The following PDE10A variants were observed in gnomAD, a reference collection of about 807,000 sequenced individuals.
The protein encoded by PDE10A is phosphodiesterase 10A, also known as cAMP and cAMP-inhibited cGMP 3',5'-cyclic phosphodiesterase 10A.
Under a neutral mutation model 97.7 loss-of-function variants are expected in PDE10A, and 39 were observed. The ratio of observed to expected loss-of-function variants is 0.40; its 90% CI spans 0.31 to 0.52. PDE10A has a LOEUF of 0.52. PDE10A is among the 20% of genes least tolerant of loss of function. The pLI, the probability that PDE10A is intolerant of heterozygous loss-of-function variation, is 0.56. For synonymous variants in PDE10A, 371 were observed against 376.8 expected (o/e 0.98, Z 0.18); for missense variants, 731 against 1,047.8 (o/e 0.70, Z 4.17).
chr6:165,952,035 C>G (rs983440538), intron 1 of PDE10A, among the ~76,000 whole-genome samples: 1 of 152,242 alleles, frequency 6.6e-6, no homozygotes, highest in Non-Finnish European at 1.5e-5. Context: ...TCGCAATAGC[C>G]TCCTGAAATA....
intron 1 of PDE10A, among the ~76,000 whole-genome samples, chr6:165,552,340 G>A (rs1463800866): frequency 6.6e-6 from 1 of 152,206 alleles, no homozygotes; most frequent in African/African-American, 2.4e-5. Flanking sequence ...CTGCTTGCAA[G>A]GTCAGCCCTT....
Position 165,431,429 on chromosome 6 carries a change from TG to T in PDE10A, c.1534del (p.Gln512ArgfsTer14). ...NLAWASVAIH[Q>X]VQVCRGLAKQ... is the part of the protein sequence containing the mutation. ...AACACCCCAAAGACTCACCTGCACC[TG>T]ATGTATTGCTACTGAAGCCCAGGCA... On this transcript the variant is annotated frameshift_variant, in exon 8 of 22. Coordinates refer to ENST00000539869, the MANE Select transcript of PDE10A (RefSeq NM_001385079.1). LOFTEE classifies it high-confidence loss of function. The T allele has an allele frequency of 6.3e-7, 1 of 1,598,232 alleles. No homozygotes were observed. Among genetic ancestry groups the T allele is most frequent in the African/African-American group, 1.3e-5 (1 of 74,266 alleles).
intron 1 of PDE10A, among the ~76,000 whole-genome samples, chr6:165,720,384 C>T (rs938184653): frequency 6.6e-6 from 1 of 152,064 alleles, no homozygotes; most frequent in Non-Finnish European, 1.5e-5. Flanking sequence ...CAGAAGCAAC[C>T]CCAGGCCAGC....
At chr6:165,557,834 G>T (rs1397019995) in intron 1 of PDE10A, among the ~76,000 whole-genome samples, 1 of 152,122 alleles carries the variant, frequency 6.6e-6, no homozygotes, top group Non-Finnish European at 1.5e-5. Flanking sequence ...CTCAAAAAAC[G>T]AAGACAAACA....
At chr6:165,960,050 G>C (rs1254700877) in intron 1 of PDE10A, among the ~76,000 whole-genome samples, 2 of 151,986 alleles carry the variant, frequency 1.3e-5, no homozygotes, top group African/African-American at 2.4e-5. Context: ...ATAGAACCAA[G>C]GTACAGCCAT....
At chr6:165,437,207 T>C (rs1304318893) in intron 5 of PDE10A, among the ~76,000 whole-genome samples, 1 of 151,940 alleles carries the variant, frequency 6.6e-6, no homozygotes, top group Non-Finnish European at 1.5e-5. Flanking sequence ...TGGCTGCATT[T>C]GTTTGTTTGA....
intron 1 of PDE10A, among the ~76,000 whole-genome samples, chr6:165,973,402 A>G (rs1784751897): frequency 6.7e-6 from 1 of 148,804 alleles, no homozygotes; most frequent in Admixed American, 6.7e-5. Flanking sequence ...GAAAAGAGTG[A>G]AATTCCGCCT....
chr6:165,715,081 C>T (rs1478905173), intron 1 of PDE10A, among the ~76,000 whole-genome samples: 1 of 152,364 alleles, frequency 6.6e-6, no homozygotes, highest in East Asian at 1.9e-4. Context: ...GCTCAGCCTG[C>T]AGGGACGGCC....
At chr6:165,750,892 G>A (rs1349127229) in intron 1 of PDE10A, among the ~76,000 whole-genome samples, 15 of 152,216 alleles carry the variant, frequency 9.9e-5, no homozygotes, top group Non-Finnish European at 1.8e-4. Flanking sequence ...AGGACACACA[G>A]CATGTCTGTT....
chr6:165,691,559 A>G (rs1791297180), intron 1 of PDE10A, among the ~76,000 whole-genome samples: 1 of 148,986 alleles, frequency 6.7e-6, no homozygotes, highest in African/African-American at 2.5e-5. Flanking sequence ...GTGTGACTGT[A>G]CACGTGCCCA....
In PDE10A at chr6:165,728,346, T is replaced by C. The variant is rs149366205; in HGVS notation, c.-614-184778A>G. On this transcript the variant is annotated intron_variant, in intron 1 of 19. Transcript: ENST00000366882. The stretch of plus-strand genomic sequence containing the variant: ...GCTGGAGTGAGGGCACACATTTCAA[T>C]GGATTCATAACACTCAATTCTCCTC... 2.0e-4 allele frequency among the ~76,000 whole-genome samples: 30 copies of C among 152,332 alleles called. No individual in the cohort carries two copies. The East Asian group carries it at 4.8e-3, about 24-fold the overall frequency.
At chr6:165,564,153 T>C (rs929056675) in intron 1 of PDE10A, among the ~76,000 whole-genome samples, 9 of 152,208 alleles carry the variant, frequency 5.9e-5, no homozygotes, top group African/African-American at 2.2e-4. Flanking sequence ...AAAATAAATA[T>C]TTAGAGTCAA....
At chr6:165,495,146 T>G (rs1780464158) in intron 2 of PDE10A, among the ~76,000 whole-genome samples, 1 of 152,170 alleles carries the variant, frequency 6.6e-6, no homozygotes, top group Non-Finnish European at 1.5e-5. Context: ...AGACACCGAA[T>G]AAATGTCTCC....
intron 3 of PDE10A, among the ~76,000 whole-genome samples, chr6:165,456,717 G>C (rs1356173795): frequency 6.6e-6 from 1 of 152,158 alleles, no homozygotes; most frequent in Non-Finnish European, 1.5e-5. Context: ...TCTGAGATAA[G>C]CTATGACCTA....
intron 1 of PDE10A, among the ~76,000 whole-genome samples, chr6:165,602,218 AAAC>A (rs1410808274): frequency 1.3e-5 from 2 of 152,174 alleles, no homozygotes; most frequent in African/African-American, 4.8e-5. Flanking sequence ...CAGCAACAGG[AAAC>A]AAGCCCCGCT....
chr6:165,511,114 A>G (rs1379791251), intron 2 of PDE10A, among the ~76,000 whole-genome samples: 2 of 151,810 alleles, frequency 1.3e-5, no homozygotes, highest in African/African-American at 4.8e-5. Context: ...GCAGTGTATC[A>G]TTAGATTGTT....
At chr6:165,781,830 T>C (rs1173602973) in intron 1 of PDE10A, 2 of 152,236 alleles carry the variant, frequency 1.3e-5, no homozygotes, top group Non-Finnish European at 2.9e-5. Flanking sequence ...AGTGGGGAGA[T>C]GGATGCTTCC....
intron 3 of PDE10A, among the ~76,000 whole-genome samples, chr6:165,475,988 G>A (rs904596331): frequency 2.6e-5 from 4 of 152,054 alleles, no homozygotes; most frequent in South Asian, 2.1e-4. Flanking sequence ...TGGTGCCACC[G>A]ACGCTCACTA....
At chr6:165,613,035 C>A (rs1224632375) in intron 1 of PDE10A, among the ~76,000 whole-genome samples, 1 of 152,180 alleles carries the variant, frequency 6.6e-6, no homozygotes, top group Non-Finnish European at 1.5e-5. Context: ...AGGATAAGTT[C>A]TCTTTATCTA....
Sources: allele counts gnomAD v4.1 joint callset (sites outside exome capture counted in the v4.1 genomes callset), GRCh38; gene constraint gnomAD v4.1.1; transcripts MANE v1.5; gene names NCBI Gene and HGNC (gene_info 2026-07-23, HGNC 2026-07-21).